The following PTDSS2 variants were observed in gnomAD, a reference collection of about 807,000 sequenced individuals.
The protein encoded by PTDSS2 is phosphatidylserine synthase 2, also known as PSS-2.
In PTDSS2, 41 loss-of-function variants were observed where a neutral mutation model predicts 64.7. The ratio of observed to expected loss-of-function variants is 0.63; its 90% CI spans 0.49 to 0.82. The LOEUF (loss-of-function observed/expected upper bound fraction) is 0.82. Among genes scored for constraint, PTDSS2 ranks in the 40% least tolerant of loss-of-function variants. The pLI, the probability that PTDSS2 is intolerant of heterozygous loss-of-function variation, is 0.00. For missense variants in PTDSS2, 485 were observed against 650.0 expected (o/e 0.75, Z 2.76); for synonymous variants, 297 against 277.8 (o/e 1.07, Z -0.69).
In PTDSS2 at chr11:487,012, A is replaced by T; in HGVS notation, c.509A>T (p.Tyr170Phe). The change falls in exon 5 of 12, where the codon TAC (tyrosine) becomes TTC (phenylalanine). Residue 170 changes from tyrosine to phenylalanine, a missense_variant. Transcript: ENST00000308020. ...KLGVPLPERD[Y>F]GGNCLIYDPD... Reference sequence around the variant, plus strand: ...GGAGTCCCACTGCCAGAGAGAGACTACGGGGGAAACTGCCTCATCTACGAC... The same window carrying T: ...GGAGTCCCACTGCCAGAGAGAGACTTCGGGGGAAACTGCCTCATCTACGAC... The T allele has an allele frequency of 6.2e-7, 1 of 1,613,586 alleles. No individual in the cohort carries two copies. Among genetic ancestry groups the T allele is most frequent in the Non-Finnish European group, 8.5e-7 (1 of 1,179,980 alleles).
At chr11:480,880 A>G (rs375640291) in intron 4 of PTDSS2, among the ~76,000 whole-genome samples, 4 of 152,324 alleles carry the variant, frequency 2.6e-5, no homozygotes, top group African/African-American at 9.6e-5. Context: ...CAGGAGATGG[A>G]GACCATCCTG....
chr11:471,222 A>G (rs1247651220), intron 2 of PTDSS2, among the ~76,000 whole-genome samples: 1 of 150,890 alleles, frequency 6.6e-6, no homozygotes, highest in East Asian at 2.0e-4. Flanking sequence ...CAGCCTCCCG[A>G]GTAGCTGGGA....
rs1846930460 is a variant in PTDSS2 at position 462,350 on chromosome 11, C to T, written c.284+2062C>T. Among the ~76,000 whole-genome samples the T allele has an allele frequency of 6.6e-6, 1 of 152,336 alleles. No homozygotes were observed. Among genetic ancestry groups the T allele is most frequent in the African/African-American group, 2.4e-5 (1 of 41,582 alleles). On this transcript the variant is annotated intron_variant, in intron 2 of 11. Coordinates refer to ENST00000308020, the MANE Select transcript of PTDSS2 (RefSeq NM_030783.3). The surrounding 1 kb of genome is among the most constrained non-coding windows in gnomAD (Gnocchi z 4.5). ...CTGGGTTCTGCCATCCTGTCCTCTC[C>T]AGCAGGGAGCCCCTGCGTGTGTTCA...
chr11:473,843 C>G, intron 2 of PTDSS2, 52 bp from the exon 3 acceptor site: 1 of 1,414,922 alleles, frequency 7.1e-7, no homozygotes, highest in Non-Finnish European at 1.0e-6. Context: ...TCCCACCTCC[C>G]TCCTGGGAGA....
intron 7 of PTDSS2, 35 bp downstream of exon 7, chr11:488,347 C>T (rs769772522): frequency 1.3e-6 from 2 of 1,547,070 alleles, no homozygotes; most frequent in Admixed American, 1.7e-5. Flanking sequence ...GCAGTCGGTG[C>T]AGGCTGAGGG....
In PTDSS2 at chr11:487,028, C is replaced by T. The variant is rs1590688719; in HGVS notation, c.525C>T (p.Leu175=). Residue 175 remains leucine, a synonymous_variant, in exon 5 of 12, where the codon CTC becomes CTT. Transcript: ENST00000308020. The part of the protein sequence containing the change: ...LPERDYGGNC[L]IYDPDNETDP... ...AGAGAGACTACGGGGGAAACTGCCT[C>T]ATCTACGACCCAGACAATGAGACTG... The T allele has an allele frequency of 6.2e-7, 1 of 1,613,642 alleles. No homozygotes were observed. The highest frequency in any genetic ancestry group is 8.5e-7 in the Non-Finnish European group (1 of 1,179,964).
intron 3 of PTDSS2, among the ~76,000 whole-genome samples, chr11:475,195 A>G (rs900080721): frequency 5.1e-5 from 3 of 59,308 alleles, no homozygotes; most frequent in Non-Finnish European, 9.8e-5. Context: ...CGCGTTTATG[A>G]TATGGACATA....
rs1565000118 is a variant in PTDSS2, at chr11:489,958, G to A, written c.1191G>A (p.Val397=). 1 of 1,611,608 alleles carries A rather than the reference G, an allele frequency of 6.2e-7. No individual in the cohort carries two copies. Among genetic ancestry groups the A allele is most frequent in the Non-Finnish European group, 8.5e-7 (1 of 1,179,812 alleles). ...AITATELLIV[V]KYDPHTLTLS... The stretch of plus-strand genomic sequence containing the variant: ...CGGCCACGGAGCTGCTCATCGTGGT[G>A]AAGTACGACCCCCACACGCTCACCC... The change falls in exon 11 of 12, where the codon GTG becomes GTA. Residue 397 remains valine (V), a synonymous_variant. Transcript: ENST00000308020.
At chr11:486,853 A>C in intron 4 of PTDSS2, 86 bp from the exon 5 acceptor site, 3 of 1,495,066 alleles carry the variant, frequency 2.0e-6, no homozygotes, top group Non-Finnish European at 2.7e-6. Context: ...ATCTCAAAAA[A>C]ATAAAATAAA....
intron 6 of PTDSS2, 67 bp downstream of exon 6, chr11:487,537 T>A: frequency 1.4e-6 from 2 of 1,450,898 alleles, no homozygotes; most frequent in Non-Finnish European, 1.9e-6. Context: ...TCTGGACCGT[T>A]TCTGTCCATG....
rs1023935814 is a variant in PTDSS2, at chr11:490,548, T to C, written c.1430T>C (p.Val477Ala). ...GLDEDLLGPGVAEGEGAPTPN is the reference protein window; with the variant it reads ...GLDEDLLGPGAAEGEGAPTPN ...GACGAAGACCTGCTGGGGCCTGGGG[T>C]GGCCGAGGGCGAGGGAGCACCAACT... Residue 477 changes from valine to alanine, a missense_variant, in exon 12 of 12, where the codon GTG becomes GCG. By Grantham distance (64) the Val-to-Ala change is moderately conservative. Coordinates refer to ENST00000308020, the MANE Select transcript of PTDSS2 (RefSeq NM_030783.3). 3.1e-6 allele frequency: 5 copies of C among 1,610,142 alleles called. No individual in the cohort carries two copies. In the East Asian group the frequency reaches 6.7e-5, roughly 22 times the overall value.
intron 2 of PTDSS2, among the ~76,000 whole-genome samples, chr11:464,589 G>A (rs965467512): frequency 2.6e-5 from 4 of 152,200 alleles, no homozygotes; most frequent in East Asian, 1.9e-4. Context: ...TTGCTCCTCC[G>A]GCCTGGCCTC....
At position 462,517 on chromosome 11, in the gene PTDSS2, CCTT is replaced by C. The variant is rs1189709334; in HGVS notation, c.284+2232_284+2234del. On this transcript the variant is annotated intron_variant, in intron 2 of 11. Coordinates refer to ENST00000308020, the MANE Select transcript of PTDSS2 (RefSeq NM_030783.3). This position sits in a 1 kb window ranked among gnomAD's most constrained non-coding sequence, Gnocchi z 4.5. ...TGAGGGCACAAAAGAAGCCACCTGT[CCTT>C]CTCTGCTGCTGGCACCTAGAACCTG... 1.3e-5 allele frequency among the ~76,000 whole-genome samples: 2 copies of C among 152,374 alleles called. No individual in the cohort carries two copies. The highest frequency in any genetic ancestry group is 4.8e-5 in the African/African-American group (2 of 41,596).
At chr11:484,288 TTCC>T (rs1340311872) in intron 4 of PTDSS2, among the ~76,000 whole-genome samples, 5 of 152,248 alleles carry the variant, frequency 3.3e-5, no homozygotes, top group African/African-American at 1.2e-4. Flanking sequence ...ACATCCTGAC[TTCC>T]TAGCACTGCG....
chr11:452,982 C>T (rs1846411763), intron 1 of PTDSS2, among the ~76,000 whole-genome samples: 1 of 152,172 alleles, frequency 6.6e-6, no homozygotes, highest in Non-Finnish European at 1.5e-5. Flanking sequence ...CCTTCCGCCT[C>T]AGCCTCCCAG....
intron 2 of PTDSS2, 78 bp from the exon 3 acceptor site, chr11:473,817 G>A (rs1048665651): frequency 3.7e-6 from 4 of 1,093,834 alleles, no homozygotes; most frequent in Non-Finnish European, 5.7e-6. Flanking sequence ...ATGGGTGTCT[G>A]GGGGTCCCTG....
chr11:483,045 CT>C (rs1184544064), intron 4 of PTDSS2, among the ~76,000 whole-genome samples: 5 of 82,100 alleles, frequency 6.1e-5, no homozygotes, highest in Non-Finnish European at 1.2e-4. Flanking sequence ...GTAGATCTCC[CT>C]ACCGAGTGGA....
At chr11:486,190 G>A (rs1848370438) in intron 4 of PTDSS2, among the ~76,000 whole-genome samples, 1 of 152,212 alleles carries the variant, frequency 6.6e-6, no homozygotes, top group South Asian at 2.1e-4. Context: ...CTTGCCCTAA[G>A]GTCAAGAGGT....
At position 490,416 on chromosome 11, in the gene PTDSS2, C is replaced by CCAGGGACATCACATTGAGGTA; in HGVS notation, c.1302-1_1321dup. ...AGGTGGTGACGCTGCATCCCGCTCC[C>CCAGGGACATCACATTGAGGTA]CAGGGACATCACATTGAGGTACAAG... is the stretch of plus-strand genomic sequence containing the variant. On this transcript the variant is annotated splice_region_variant and splice_polypyrimidine_tract_variant and intron_variant, in intron 11 of 11. Transcript: ENST00000308020. The CCAGGGACATCACATTGAGGTA allele has an allele frequency of 1.2e-6, 2 of 1,613,194 alleles. No homozygotes were observed. The highest frequency in any genetic ancestry group is 1.7e-6 in the Non-Finnish European group (2 of 1,179,940).
Sources: allele counts gnomAD v4.1 joint callset (sites outside exome capture counted in the v4.1 genomes callset), GRCh38; gene constraint gnomAD v4.1.1; non-coding constraint Gnocchi (gnomAD v3.1); transcripts MANE v1.5; gene names NCBI Gene and HGNC (gene_info 2026-07-23, HGNC 2026-07-21).